Variants in MGAT5 observed in about 807,000 individuals in gnomAD.
MGAT5 encodes the protein alpha-1,6-mannosylglycoprotein 6-beta-N-acetylglucosaminyltransferase A.
A neutral mutation model predicts 94.3 loss-of-function variants in MGAT5; 30 were observed. That is an observed-to-expected ratio of 0.32 (90% CI 0.24 to 0.43). MGAT5 has a LOEUF of 0.43. MGAT5 is among the 20% of genes least tolerant of loss of function. The pLI, the probability that MGAT5 is intolerant of heterozygous loss-of-function variation, is 1.00. For synonymous variants in MGAT5, 310 were observed against 322.9 expected (o/e 0.96, Z 0.43); for missense variants, 691 against 905.5 (o/e 0.76, Z 3.04).
chr2:134,349,684 C>A (rs1679247073), intron 8 of MGAT5, 121 bp from the exon 9 acceptor site: 3 of 1,101,032 alleles, frequency 2.7e-6, no homozygotes, highest in South Asian at 3.2e-5. Context: ...CTTGTCTGGT[C>A]CTGCTTCTAT....
chr2:134,293,925 CAG>C (rs1685523522), intron 2 of MGAT5, among the ~76,000 whole-genome samples: 1 of 152,118 alleles, frequency 6.6e-6, no homozygotes, highest in African/African-American at 2.4e-5. Flanking sequence ...GGATGTGAAA[CAG>C]AGTAGGGAGG....
chr2:134,357,571 G>T (rs1679825648), intron 9 of MGAT5, among the ~76,000 whole-genome samples: 1 of 152,174 alleles, frequency 6.6e-6, no homozygotes, highest in Admixed American at 6.5e-5. Flanking sequence ...AGTTATTTGT[G>T]ATTGAAACTT....
chr2:134,254,480 G>T lies in MGAT5; in HGVS notation c.77G>T (p.Gly26Val). Residue 26 changes from glycine to valine, a missense_variant, in exon 1 of 16, where the codon GGT (glycine) becomes GTT (valine). Transcript: ENST00000281923. ...CTGGTGACTTTTGGCTTCATTTGGG[G>T]TATGATGCTTCTGCACTTTACCATC... Reference protein sequence around the residue: ...FFLVTFGFIWGMMLLHFTIQQ... With the variant: ...FFLVTFGFIWVMMLLHFTIQQ... 6.2e-7 allele frequency: 1 copy of T among 1,614,196 alleles called. No homozygotes were observed. Among genetic ancestry groups the T allele is most frequent in the Non-Finnish European group, 8.5e-7 (1 of 1,180,040 alleles).
At chr2:134,437,134 G>A (rs146099976) in intron 14 of MGAT5, among the ~76,000 whole-genome samples, 134 of 152,178 alleles carry the variant, frequency 8.8e-4, no homozygotes, top group African/African-American at 2.8e-3. Context: ...GATTACAGGC[G>A]CGCGCCACCA....
chr2:134,238,049 T>G (rs1681763008), intron 1 of MGAT5, among the ~76,000 whole-genome samples: 1 of 152,066 alleles, frequency 6.6e-6, no homozygotes, highest in Non-Finnish European at 1.5e-5. Context: ...GCGCCCGGCC[T>G]CCTTTTTTTC....
intron 1 of MGAT5, among the ~76,000 whole-genome samples, chr2:134,174,927 C>T (rs1045508168): frequency 6.6e-6 from 1 of 152,212 alleles, no homozygotes; most frequent in Non-Finnish European, 1.5e-5. Context: ...TCATCTCAGT[C>T]CTCATTCTCA....
At chr2:134,399,033 T>C (rs887184116) in intron 10 of MGAT5, among the ~76,000 whole-genome samples, 15 of 152,198 alleles carry the variant, frequency 9.9e-5, no homozygotes, top group African/African-American at 3.6e-4. Flanking sequence ...CAGTATATTG[T>C]CTATTTCAGA....
chr2:134,425,534 A>C (rs1684530407), intron 13 of MGAT5, among the ~76,000 whole-genome samples: 1 of 152,118 alleles, frequency 6.6e-6, no homozygotes, highest in African/African-American at 2.4e-5. Context: ...ATGAAGAGAA[A>C]TTACAGATTC....
Position 134,228,872 on chromosome 2 carries a change from C to T in MGAT5, c.-142-25390C>T, listed in dbSNP as rs77290277. Among the ~76,000 whole-genome samples, 1,227 of 152,266 alleles carry T rather than the reference C, an allele frequency of 8.1e-3. 34 individuals carry two copies. The East Asian group carries it at 0.1, about 13-fold the overall frequency. ...TAGTGAGTTGTAGTTGTGTCTTCTC[C>T]AACAAAGTCAGGGTCTCAGTCCCCC... On this transcript the variant is annotated intron_variant, in intron 1 of 16. Transcript: ENST00000409645.
chr2:134,400,321 CA>C (rs1222048140), intron 10 of MGAT5, among the ~76,000 whole-genome samples: 1 of 152,188 alleles, frequency 6.6e-6, no homozygotes, highest in Non-Finnish European at 1.5e-5. Context: ...ACATCAATGT[CA>C]AAGGCTAAAG....
intron 2 of MGAT5, among the ~76,000 whole-genome samples, chr2:134,285,458 C>T (rs572804112): frequency 6.6e-6 from 1 of 152,152 alleles, no homozygotes; most frequent in South Asian, 2.1e-4. Context: ...TTGCATTATT[C>T]TCTTGGGAGA....
chr2:134,328,012 G>C (rs1421879179), intron 4 of MGAT5, among the ~76,000 whole-genome samples: 1 of 152,136 alleles, frequency 6.6e-6, no homozygotes, highest in Non-Finnish European at 1.5e-5. Flanking sequence ...TGCCTAGTGA[G>C]AGTTGCTATA....
chr2:134,275,578 CTTTTTT>C (rs11409592), intron 2 of MGAT5, among the ~76,000 whole-genome samples: 6 of 79,592 alleles, frequency 7.5e-5, no homozygotes, highest in Admixed American at 4.8e-4. Flanking sequence ...GTGCTATTTC[CTTTTTT>C]TTTTTTTTTT....
chr2:134,143,591 T>C (rs2104966306), intron 1 of MGAT5, among the ~76,000 whole-genome samples: 1 of 152,266 alleles, frequency 6.6e-6, no homozygotes, highest in East Asian at 1.9e-4. Context: ...GTTGAGTGGA[T>C]GGATGAGGAA....
chr2:134,369,725 C>T (rs1680660319), intron 10 of MGAT5, among the ~76,000 whole-genome samples: 1 of 28,416 alleles, frequency 3.5e-5, no homozygotes, highest in Admixed American at 5.0e-4. Context: ...ATGGTTTTTA[C>T]ATTGTGTGTG....
chr2:134,160,414 C>T (rs1314733583), intron 1 of MGAT5, among the ~76,000 whole-genome samples: 3 of 152,202 alleles, frequency 2.0e-5, no homozygotes, highest in Non-Finnish European at 2.9e-5. Flanking sequence ...CCTCGTGATC[C>T]GCCTGCCTCG....
chr2:134,350,776 A>G (rs778808977), intron 9 of MGAT5, among the ~76,000 whole-genome samples: 16 of 152,176 alleles, frequency 1.1e-4, no homozygotes, highest in East Asian at 1.9e-4. Flanking sequence ...ATGAAGTCCT[A>G]TTCCAGAAGT....
At chr2:134,369,022 A>G (rs1573936171) in intron 10 of MGAT5, among the ~76,000 whole-genome samples, 1 of 150,288 alleles carries the variant, frequency 6.7e-6, no homozygotes, top group African/African-American at 2.4e-5. Flanking sequence ...TTGTAATCAT[A>G]TAATTATCTT....
chr2:134,363,701 C>G (rs993829318), intron 10 of MGAT5, among the ~76,000 whole-genome samples: 4 of 152,174 alleles, frequency 2.6e-5, no homozygotes, highest in African/African-American at 9.7e-5. Flanking sequence ...GGAAAACCCT[C>G]GGCTGGTAAG....
Sources: allele counts gnomAD v4.1 joint callset (sites outside exome capture counted in the v4.1 genomes callset), GRCh38; gene constraint gnomAD v4.1.1; transcripts MANE v1.5; gene names NCBI Gene and HGNC (gene_info 2026-07-23, HGNC 2026-07-21).